Variants in POU6F2 observed in about 807,000 individuals in gnomAD.
POU6F2 encodes POU domain, class 6, transcription factor 2.
A neutral mutation model predicts 71.3 loss-of-function variants in POU6F2; 31 were observed. The ratio of observed to expected loss-of-function variants is 0.43; its 90% CI spans 0.33 to 0.59. POU6F2 has a LOEUF of 0.59. POU6F2 is among the 20% of genes least tolerant of loss of function. The probability of loss-of-function intolerance (pLI) is 0.04; values close to 1 mark genes in which losing one functional copy is unlikely to be tolerated. For missense variants in POU6F2, 783 were observed against 856.8 expected (o/e 0.91, Z 1.07); for synonymous variants, 347 against 355.7 (o/e 0.98, Z 0.27).
At chr7:39,303,093 A>C (rs1784981060) in intron 4 of POU6F2, among the ~76,000 whole-genome samples, 1 of 152,138 alleles carries the variant, frequency 6.6e-6, no homozygotes, top group African/African-American at 2.4e-5. Context: ...AAGGCACTGG[A>C]TATTGTAGCA....
Position 39,468,414 on chromosome 7 carries a change from C to G in POU6F2, c.*3728C>G, listed in dbSNP as rs1789124125. 6.6e-6 allele frequency: 1 copy of G among 151,422 alleles called. No homozygotes were observed. The allele number at this position is 151,422 out of a possible 1,614,324, so 9.4% of individuals were successfully genotyped here. On this transcript the variant is annotated 3_prime_UTR_variant, in exon 10 of 10. Coordinates refer to ENST00000518318, the MANE Select transcript of POU6F2 (RefSeq NM_001370959.1). Reference sequence around the variant, plus strand: ...TGAATATTTAAAAGCTCCTTACTTGCTCTGACATTGAAACCAAAGCTGATT... The same window carrying G: ...TGAATATTTAAAAGCTCCTTACTTGGTCTGACATTGAAACCAAAGCTGATT...
At chr7:39,024,709 G>GC (rs1308452285) in intron 1 of POU6F2, among the ~76,000 whole-genome samples, 1 of 152,040 alleles carries the variant, frequency 6.6e-6, no homozygotes, top group Non-Finnish European at 1.5e-5. Context: ...AGAGTTTTTA[G>GC]CACCAATGAT....
intron 2 of POU6F2, among the ~76,000 whole-genome samples, chr7:39,107,491 T>C (rs13228932): frequency 0.03 from 4,541 of 152,290 alleles, 95 homozygotes; most frequent in Middle Eastern, 0.078. Context: ...TCTTTTGAAT[T>C]GGCTAGTTAT....
chr7:39,410,318 T>C (rs1787527202), intron 6 of POU6F2, among the ~76,000 whole-genome samples: 1 of 152,056 alleles, frequency 6.6e-6, no homozygotes, highest in African/African-American at 2.4e-5. Flanking sequence ...CCAAAATAAA[T>C]AAATAAAATC....
At chr7:39,168,710 A>G (rs1005834851) in intron 2 of POU6F2, among the ~76,000 whole-genome samples, 6 of 152,182 alleles carry the variant, frequency 3.9e-5, no homozygotes, top group Non-Finnish European at 8.8e-5. Flanking sequence ...GACAGTGGAA[A>G]ATTGCTAGCA....
intron 2 of POU6F2, among the ~76,000 whole-genome samples, chr7:39,112,057 A>G (rs1223501756): frequency 6.6e-6 from 1 of 152,138 alleles, no homozygotes; most frequent in East Asian, 1.9e-4. Flanking sequence ...GGCAGGGATG[A>G]TAGTTGCTAT....
intron 5 of POU6F2, among the ~76,000 whole-genome samples, chr7:39,393,448 C>G (rs1284532553): frequency 2.0e-5 from 3 of 152,104 alleles, no homozygotes; most frequent in East Asian, 1.9e-4. Context: ...AATGAAGAAA[C>G]CTTCATGGAT....
At chr7:39,453,099 A>G (rs1194491661) in intron 8 of POU6F2, among the ~76,000 whole-genome samples, 3 of 152,224 alleles carry the variant, frequency 2.0e-5, no homozygotes, top group African/African-American at 7.2e-5. Flanking sequence ...TCTCAAAAAA[A>G]GAAAAAATGC....
chr7:39,297,025 T>G (rs1214307255), intron 4 of POU6F2, among the ~76,000 whole-genome samples: 2 of 152,144 alleles, frequency 1.3e-5, no homozygotes, highest in Non-Finnish European at 2.9e-5. Context: ...TAAAATATAT[T>G]TGAAAGCCTA....
Position 39,204,248 on chromosome 7 carries a change from C to G in POU6F2, c.291C>G (p.Asn97Lys). 6.2e-7 allele frequency: 1 copy of G among 1,613,628 alleles called. No homozygotes were observed. Among genetic ancestry groups the G allele is most frequent in the Non-Finnish European group, 8.5e-7 (1 of 1,179,728 alleles). ...TTTGAATTCCAGGGGCTAGAGGAAACCCAGCATTATCAGACCCAGGCACTC... is the reference window on the plus strand; with the variant it reads ...TTTGAATTCCAGGGGCTAGAGGAAAGCCAGCATTATCAGACCCAGGCACTC... ...TPSKLFGARG[N>K]PALSDPGTPD... The change falls in exon 3 of 10, where the codon AAC becomes AAG. Residue 97 changes from asparagine to lysine, a missense_variant. By Grantham distance (94) the Asn-to-Lys change is moderately conservative. Transcript: ENST00000518318.
intron 5 of POU6F2, among the ~76,000 whole-genome samples, chr7:39,379,188 C>T (rs1786774150): frequency 6.6e-6 from 1 of 152,184 alleles, no homozygotes; most frequent in African/African-American, 2.4e-5. Context: ...AGGTGCTGCG[C>T]ATCATTCTCG....
chr7:39,051,836 A>T (rs1273680131), intron 1 of POU6F2, among the ~76,000 whole-genome samples: 5 of 152,202 alleles, frequency 3.3e-5, no homozygotes, highest in East Asian at 3.9e-4. Context: ...TAGTGTATCC[A>T]TGAGTGTTTA....
intron 5 of POU6F2, among the ~76,000 whole-genome samples, chr7:39,400,287 G>C (rs539169901): frequency 6.6e-6 from 1 of 152,304 alleles, no homozygotes; most frequent in African/African-American, 2.4e-5. Context: ...TAGGAGTTCT[G>C]TGTCAGGAAC....
At chr7:39,180,220 C>G (rs1010123926) in intron 2 of POU6F2, among the ~76,000 whole-genome samples, 2 of 152,060 alleles carry the variant, frequency 1.3e-5, no homozygotes, top group Non-Finnish European at 2.9e-5. Context: ...ATTCAGAGAG[C>G]CAAAGCAAAC....
intron 1 of POU6F2, among the ~76,000 whole-genome samples, chr7:38,997,531 T>C (rs1422025006): frequency 6.6e-6 from 1 of 152,226 alleles, no homozygotes; most frequent in Admixed American, 6.5e-5. Flanking sequence ...GGCATCCACA[T>C]TCTGTTTTCT....
At position 39,085,905 on chromosome 7, in the gene POU6F2, C is replaced by A; in HGVS notation, c.151C>A (p.Arg51=). The stretch of plus-strand genomic sequence containing the variant: ...AGTCAGTAAGCCCTTGCTGTCAGTG[C>A]GGAGTGAAATGAATGCGGAGTTGAG... The part of the protein sequence containing the change: ...GQVSKPLLSV[R]SEMNAELRGE... The change falls in exon 2 of 10, where the codon CGG becomes AGG. Residue 51 remains arginine, a synonymous_variant. Coordinates refer to ENST00000518318, the MANE Select transcript of POU6F2 (RefSeq NM_001370959.1). 6.2e-7 allele frequency: 1 copy of A among 1,613,188 alleles called. No homozygotes were observed. Among genetic ancestry groups the A allele is most frequent in the Non-Finnish European group, 8.5e-7 (1 of 1,179,574 alleles).
At chr7:39,053,812 A>C (rs73120491) in intron 1 of POU6F2, among the ~76,000 whole-genome samples, 1 of 151,554 alleles carries the variant, frequency 6.6e-6, no homozygotes, top group South Asian at 2.1e-4. Flanking sequence ...AATGAAATTT[A>C]AAAAAAAAGA....
chr7:39,164,028 C>A (rs1450657553), intron 2 of POU6F2, among the ~76,000 whole-genome samples: 1 of 152,094 alleles, frequency 6.6e-6, no homozygotes, highest in Non-Finnish European at 1.5e-5. Context: ...TACTATAAAT[C>A]ATGGTGACCA....
intron 5 of POU6F2, among the ~76,000 whole-genome samples, chr7:39,391,658 A>C (rs1362975618): frequency 1.3e-5 from 2 of 152,168 alleles, no homozygotes; most frequent in African/African-American, 4.8e-5. Flanking sequence ...CAGAGATGGC[A>C]ACCCTCTCTT....
Sources: gnomAD v4.1 joint callset for allele counts (sites outside exome capture counted in the v4.1 genomes callset) on GRCh38, gnomAD v4.1.1 for gene constraint, MANE v1.5 for transcripts, NCBI Gene and HGNC (gene_info 2026-07-23, HGNC 2026-07-21) for gene names.